The following SCAPER variants were observed in gnomAD, a reference collection of about 807,000 sequenced individuals.
SCAPER encodes the protein S phase cyclin A-associated protein in the endoplasmic reticulum.
A neutral mutation model predicts 182.2 loss-of-function variants in SCAPER; 98 were observed. That is an observed-to-expected ratio of 0.54 (90% CI 0.46 to 0.64). The LOEUF is 0.64. Among genes scored for constraint, SCAPER ranks in the 30% least tolerant of loss-of-function variants. SCAPER has a pLI of 0.00. For missense variants in SCAPER, 1,432 were observed against 1,690.0 expected (o/e 0.85, Z 2.68); for synonymous variants, 605 against 564.6 (o/e 1.07, Z -1.01).
chr15:76,420,635 T>G (rs900257587), intron 26 of SCAPER, among the ~76,000 whole-genome samples: 1 of 152,196 alleles, frequency 6.6e-6, no homozygotes, highest in Non-Finnish European at 1.5e-5. Context: ...TTTTTTAAAA[T>G]TATACTTTAA....
rs191505530 is a variant in SCAPER, at chr15:76,554,385, A to G, written c.2838+19773T>C. The stretch of plus-strand genomic sequence containing the variant: ...ACATCCTTGAAAGAGAGGGAGAGAA[A>G]GCAAGCAACCTGGAAAACATATTTG... On this transcript the variant is annotated intron_variant, in intron 23 of 31. Coordinates refer to ENST00000563290, the MANE Select transcript of SCAPER (RefSeq NM_020843.4). Among the ~76,000 whole-genome samples, 568 of 152,348 alleles carry G rather than the reference A, an allele frequency of 3.7e-3. 2 individuals carry two copies. The highest frequency in any genetic ancestry group is 6.2e-3 in the Non-Finnish European group (425 of 68,032).
At chr15:76,709,338 G>A (rs1046002264) in intron 17 of SCAPER, among the ~76,000 whole-genome samples, 3 of 152,076 alleles carry the variant, frequency 2.0e-5, no homozygotes, top group African/African-American at 4.8e-5. Flanking sequence ...GTTTCACCAT[G>A]TTGGCCAGGA....
At chr15:76,608,392 G>A (rs935826792) in intron 22 of SCAPER, among the ~76,000 whole-genome samples, 1 of 152,152 alleles carries the variant, frequency 6.6e-6, no homozygotes, top group Non-Finnish European at 1.5e-5. Context: ...TGTCTCAGAG[G>A]AGTACCCGGT....
intron 4 of SCAPER, 111 bp from the exon 5 acceptor site, chr15:76,842,042 A>G (rs2069529587): frequency 1.1e-6 from 1 of 938,928 alleles, no homozygotes; most frequent in African/African-American, 1.7e-5. Flanking sequence ...AGAAATAAAA[A>G]GCATCTGTAC....
At chr15:76,395,318 G>A (rs1308603365) in intron 27 of SCAPER, among the ~76,000 whole-genome samples, 1 of 152,154 alleles carries the variant, frequency 6.6e-6, no homozygotes, top group Non-Finnish European at 1.5e-5. Flanking sequence ...TGGGAGTGTG[G>A]ATATCTCTTT....
intron 17 of SCAPER, among the ~76,000 whole-genome samples, chr15:76,709,315 TA>T (rs1364646142): frequency 1.3e-5 from 2 of 152,042 alleles, no homozygotes; most frequent in Non-Finnish European, 2.9e-5. Context: ...TTTGCATTTT[TA>T]GTAGAGATGG....
intron 21 of SCAPER, among the ~76,000 whole-genome samples, chr15:76,633,291 G>A (rs1189642478): frequency 6.6e-6 from 1 of 152,172 alleles, no homozygotes; most frequent in African/African-American, 2.4e-5. Context: ...ATGGCAGCCT[G>A]CTCCTTCCTC....
At chr15:76,440,394 G>A (rs990793257) in intron 25 of SCAPER, among the ~76,000 whole-genome samples, 1 of 152,180 alleles carries the variant, frequency 6.6e-6, no homozygotes, top group African/African-American at 2.4e-5. Flanking sequence ...TTGCAATACA[G>A]AAAGATGCTT....
intron 8 of SCAPER, among the ~76,000 whole-genome samples, chr15:76,782,742 C>T (rs1395148491): frequency 6.6e-6 from 1 of 152,162 alleles, no homozygotes; most frequent in African/African-American, 2.4e-5. Context: ...CAAAACCTCA[C>T]AACTACATGG....
intron 24 of SCAPER, among the ~76,000 whole-genome samples, chr15:76,493,988 A>G (rs1274261996): frequency 1.3e-5 from 2 of 152,196 alleles, no homozygotes; most frequent in Non-Finnish European, 2.9e-5. Context: ...CTTTTATCTA[A>G]AAATAGATAT....
At position 76,775,053 on chromosome 15, in the gene SCAPER, T is replaced by C. The variant is rs1322383281; in HGVS notation, c.837A>G (p.Thr279=). Residue 279 remains threonine (T), a synonymous_variant, in exon 9 of 32, where the codon ACA becomes ACG. Transcript: ENST00000563290. ...CCAATGAAACTTTTGGCATCACTGC[T>C]GTTGATCGAGAACGAATAGGCCTTC... ...QRGRPIRSRS[T]AVMPKVSLAT... 6.2e-7 allele frequency: 1 copy of C among 1,613,854 alleles called. No individual in the cohort carries two copies. The highest frequency in any genetic ancestry group is 1.7e-5 in the Admixed American group (1 of 60,014).
chr15:76,613,243 T>G (rs2051160540), intron 22 of SCAPER, among the ~76,000 whole-genome samples: 1 of 152,302 alleles, frequency 6.6e-6, no homozygotes, highest in Non-Finnish European at 1.5e-5. Context: ...AACTGGACCT[T>G]TTCCTTATAC....
chr15:76,385,523 G>C (rs1201858256), intron 27 of SCAPER, among the ~76,000 whole-genome samples: 4 of 152,148 alleles, frequency 2.6e-5, no homozygotes, highest in African/African-American at 9.7e-5. Flanking sequence ...GATCTGCATA[G>C]TGTTGGAGTG....
chr15:76,614,915 A>G (rs539810884), intron 22 of SCAPER, among the ~76,000 whole-genome samples: 17 of 152,336 alleles, frequency 1.1e-4, no homozygotes, highest in Non-Finnish European at 2.2e-4. Context: ...TTCAGAAATG[A>G]AAGTGGGCAC....
intron 5 of SCAPER, among the ~76,000 whole-genome samples, chr15:76,821,538 C>T (rs976049549): frequency 1.3e-5 from 2 of 152,082 alleles, no homozygotes; most frequent in Non-Finnish European, 2.9e-5. Flanking sequence ...TGGGGGGGAT[C>T]ACTTGAGCCT....
rs542205699 is a variant in SCAPER, at chr15:76,404,434, T to G, written c.3467+90A>C. 5 of 1,309,030 alleles carry G rather than the reference T, an allele frequency of 3.8e-6. No homozygotes were observed. The South Asian group carries it at 5.2e-5, about 14-fold the overall frequency. 81.1% of individuals were successfully genotyped at this position (1,309,030 alleles called of 1,614,324 possible). A position where few individuals can be genotyped will look rare whatever the true frequency, so the allele number is the denominator to read the frequency against. ...GAGGAAAGATGGCCAAGATGACCAC[T>G]TGAATTCCTATGAAATGACCCTAGA... On this transcript the variant is annotated intron_variant, in intron 27 of 31. Coordinates refer to ENST00000563290, the MANE Select transcript of SCAPER (RefSeq NM_020843.4).
At chr15:76,723,826 A>G (rs1246351732) in intron 17 of SCAPER, among the ~76,000 whole-genome samples, 1 of 152,128 alleles carries the variant, frequency 6.6e-6, no homozygotes, top group Non-Finnish European at 1.5e-5. Flanking sequence ...GCCTCTGCAC[A>G]TGAGATGGGG....
At chr15:76,381,752 C>A in intron 27 of SCAPER, 137 bp from the exon 28 acceptor site, 1 of 706,904 alleles carries the variant, frequency 1.4e-6, no homozygotes, top group South Asian at 2.0e-5. Context: ...CAAGAAACTT[C>A]AAGGAATAAA....
In SCAPER at chr15:76,624,365, G is replaced by A. The variant is rs147744810; in HGVS notation, c.2646-2536C>T. On this transcript the variant is annotated intron_variant, in intron 21 of 31. Transcript: ENST00000563290. ...CCAAGGAAGTGAAAGATCTCTACAA[G>A]GAGGACTACAAAACATTACTGAAAT... Among the ~76,000 whole-genome samples, 644 of 152,184 alleles carry A rather than the reference G, an allele frequency of 4.2e-3. 4 individuals are homozygous for A. The highest frequency in any genetic ancestry group is 0.014 in the African/African-American group (598 of 41,508).
Sources: gnomAD v4.1 joint callset for allele counts (sites outside exome capture counted in the v4.1 genomes callset) on GRCh38, gnomAD v4.1.1 for gene constraint, MANE v1.5 for transcripts, NCBI Gene and HGNC (gene_info 2026-07-23, HGNC 2026-07-21) for gene names.